The following ANO6 variants were observed in gnomAD, a reference collection of about 807,000 sequenced individuals.
The protein encoded by ANO6 is anoctamin 6.
ANO6 carries 106 observed loss-of-function variants against 117.5 expected under a neutral mutation model. That is an observed-to-expected ratio of 0.90 (90% CI 0.77 to 1.06). The LOEUF (loss-of-function observed/expected upper bound fraction) is 1.06. Ranked by LOEUF, ANO6 falls within the 50% of genes least tolerant of loss-of-function variation. ANO6 has a pLI of 0.00. For missense variants in ANO6, 955 were observed against 1,121.1 expected (o/e 0.85, Z 2.12); for synonymous variants, 367 against 385.1 (o/e 0.95, Z 0.55).
At chr12:45,399,675 G>C (rs1236795384) in intron 12 of ANO6, among the ~76,000 whole-genome samples, 1 of 152,056 alleles carries the variant, frequency 6.6e-6, no homozygotes, top group Non-Finnish European at 1.5e-5. Flanking sequence ...TGTACCTCTG[G>C]AGCACATCAG....
Position 45,216,192 on chromosome 12 carries a change from T to G in ANO6, c.-130T>G. The G allele has an allele frequency of 1.8e-6, 2 of 1,081,416 alleles. No individual in the cohort carries two copies. The highest frequency in any genetic ancestry group is 1.4e-6 in the Non-Finnish European group (1 of 734,920). The allele number at this position is 1,081,416 out of a possible 1,614,324, so 67.0% of individuals were successfully genotyped here. On this transcript the variant is annotated 5_prime_UTR_variant, in exon 1 of 20. Coordinates refer to ENST00000320560, the MANE Select transcript of ANO6 (RefSeq NM_001025356.3). ...CGGCTTTCCCCGGCGCTGGCTGGGCTCAGCGGCCCCTGAGCCCAAGCGACA... is the reference window on the plus strand; with the variant it reads ...CGGCTTTCCCCGGCGCTGGCTGGGCGCAGCGGCCCCTGAGCCCAAGCGACA...
At chr12:45,309,546 G>T (rs1166601703) in intron 2 of ANO6, among the ~76,000 whole-genome samples, 1 of 151,788 alleles carries the variant, frequency 6.6e-6, no homozygotes, top group African/African-American at 2.4e-5. Context: ...CTCAAAGTGG[G>T]TTCAAGGATC....
At chr12:45,317,136 T>TATA (rs1940070455) in intron 2 of ANO6, among the ~76,000 whole-genome samples, 2 of 108,948 alleles carry the variant, frequency 1.8e-5, no homozygotes, top group Non-Finnish European at 4.3e-5. Flanking sequence ...TATATATTTA[T>TATA]TATACTTTAA....
At chr12:45,386,612 TA>T (rs1942306136) in intron 10 of ANO6, among the ~76,000 whole-genome samples, 1 of 152,226 alleles carries the variant, frequency 6.6e-6, no homozygotes, top group South Asian at 2.1e-4. Flanking sequence ...CACTCTAGAC[TA>T]CCTTCAAAGT....
chr12:45,319,413 T>TA (rs1341571072), intron 2 of ANO6, among the ~76,000 whole-genome samples: 2 of 152,212 alleles, frequency 1.3e-5, no homozygotes, highest in African/African-American at 4.8e-5. Flanking sequence ...TATGCTGGAT[T>TA]ACGTTTATTG....
intron 2 of ANO6, among the ~76,000 whole-genome samples, chr12:45,313,822 A>G (rs1409111119): frequency 2.0e-5 from 3 of 152,174 alleles, no homozygotes; most frequent in Admixed American, 6.6e-5. Context: ...GTAATTTTCA[A>G]TGAACTAGAA....
chr12:45,413,156 C>T (rs1189047191), intron 16 of ANO6, among the ~76,000 whole-genome samples: 1 of 152,148 alleles, frequency 6.6e-6, no homozygotes, highest in African/African-American at 2.4e-5. Context: ...GGAATAAGAT[C>T]AATCACGCAG....
chr12:45,293,658 T>G (rs1939182490), intron 1 of ANO6, among the ~76,000 whole-genome samples: 1 of 150,160 alleles, frequency 6.7e-6, no homozygotes, highest in South Asian at 2.1e-4. Flanking sequence ...CCTCCCAGGT[T>G]CACACCATTC....
At position 45,431,646 on chromosome 12, in the gene ANO6, C is replaced by A; in HGVS notation, c.*2335C>A. The A allele has an allele frequency of 1.0e-6, 1 of 985,394 alleles. No homozygotes were observed. Among genetic ancestry groups the A allele is most frequent in the Non-Finnish European group, 1.2e-6 (1 of 829,938 alleles). 61.0% of individuals were successfully genotyped at this position (985,394 alleles called of 1,614,324 possible). A position where few individuals can be genotyped will look rare whatever the true frequency, so the allele number is the denominator to read the frequency against. On this transcript the variant is annotated 3_prime_UTR_variant, in exon 20 of 20. Coordinates refer to ENST00000320560, the MANE Select transcript of ANO6 (RefSeq NM_001025356.3). Reference sequence around the variant, plus strand: ...ATGCAGGGTCATTTCCCCATGCCATCCACAGTGTTTGTTAGTGAGTCCACG... The same window carrying A: ...ATGCAGGGTCATTTCCCCATGCCATACACAGTGTTTGTTAGTGAGTCCACG...
rs777801046 is a variant in ANO6 at position 45,409,359 on chromosome 12, G to A, written c.1883G>A (p.Trp628Ter). Residue 628 changes from tryptophan (W) to a stop codon, truncating the protein, a stop_gained and splice_region_variant, in exon 16 of 20, where the codon TGG becomes TAG. Coordinates refer to ENST00000320560, the MANE Select transcript of ANO6 (RefSeq NM_001025356.3). LOFTEE classifies it high-confidence loss of function. ...TTATAAATTGTTCTTTTTGGCAGCT[G>A]GATCATGAATCTAATTGGGCGATTT... is the stretch of plus-strand genomic sequence containing the variant. The part of the protein sequence containing the change: ...WNNIQEVLLP[W>*]IMNLIGRFHR... 6 of 1,613,808 alleles carry A rather than the reference G, an allele frequency of 3.7e-6. No homozygotes were observed. The South Asian group carries it at 4.4e-5, about 12-fold the overall frequency.
intron 7 of ANO6, among the ~76,000 whole-genome samples, chr12:45,354,332 T>C (rs1388626193): frequency 1.3e-5 from 2 of 152,126 alleles, no homozygotes; most frequent in African/African-American, 4.8e-5. Context: ...TAACTTCACA[T>C]GTCTAAGGAA....
rs1943028175 is a variant in ANO6 at position 45,409,385 on chromosome 12, C to T, written c.1909C>T (p.His637Tyr). The change falls in exon 16 of 20, where the codon CAC (histidine) becomes TAC (tyrosine). Residue 637 changes from histidine (H) to tyrosine (Y), a missense_variant. Physicochemically the swap from His to Tyr is moderately conservative, Grantham distance 83. Transcript: ENST00000320560. Reference protein sequence around the residue: ...PWIMNLIGRFHRVSGSEKITP... With the variant: ...PWIMNLIGRFYRVSGSEKITP... ...GATCATGAATCTAATTGGGCGATTTCACAGAGTTTCTGGATCAGAAAAGAT... is the reference window on the plus strand; with the variant it reads ...GATCATGAATCTAATTGGGCGATTTTACAGAGTTTCTGGATCAGAAAAGAT... 1 of 1,613,962 alleles carries T rather than the reference C, an allele frequency of 6.2e-7. No homozygotes were observed. The highest frequency in any genetic ancestry group is 1.3e-5 in the African/African-American group (1 of 75,038).
intron 1 of ANO6, among the ~76,000 whole-genome samples, chr12:45,230,421 A>T (rs886511108): frequency 6.7e-6 from 1 of 149,740 alleles, no homozygotes; most frequent in Non-Finnish European, 1.5e-5. Flanking sequence ...TATAATATTA[A>T]TATGTATAAA....
chr12:45,396,508 A>C (rs1942618452), intron 12 of ANO6, among the ~76,000 whole-genome samples: 1 of 152,238 alleles, frequency 6.6e-6, no homozygotes, highest in Non-Finnish European at 1.5e-5. Flanking sequence ...ATATGGAACC[A>C]AAAAGCCTGC....
chr12:45,242,038 G>A (rs1393467033), intron 1 of ANO6, among the ~76,000 whole-genome samples: 1 of 152,236 alleles, frequency 6.6e-6, no homozygotes, highest in Non-Finnish European at 1.5e-5. Context: ...TGACCCACTT[G>A]TGGAGGCGGT....
intron 15 of ANO6, among the ~76,000 whole-genome samples, chr12:45,407,482 ACCCCCCCCC>A (rs77486208): frequency 1.1e-4 from 1 of 9,428 alleles, no homozygotes; most frequent in Non-Finnish European, 2.3e-4. Flanking sequence ...TACCTGAGTC[ACCCCCCCCC>A]CCCCCCCCGG....
Position 45,331,300 on chromosome 12 carries a change from AT to A in ANO6, c.159del (p.Phe53LeufsTer21), listed in dbSNP as rs1223715576. On this transcript the variant is annotated frameshift_variant, in exon 3 of 20. Coordinates refer to ENST00000320560, the MANE Select transcript of ANO6 (RefSeq NM_001025356.3). LOFTEE classifies it high-confidence loss of function. ...HDFRTPEFEE[F>X]NGKPDSLFFN... ...TGTTTTTCTGTTTTACACAGGAAGAATTTAATGGAAAACCTGACTCCCTCTT... is the reference window on the plus strand; with the variant it reads ...TGTTTTTCTGTTTTACACAGGAAGAATTAATGGAAAACCTGACTCCCTCTT... The A allele has an allele frequency of 6.2e-7, 1 of 1,608,710 alleles. No individual in the cohort carries two copies. Among genetic ancestry groups the A allele is most frequent in the Non-Finnish European group, 8.5e-7 (1 of 1,177,140 alleles).
intron 1 of ANO6, among the ~76,000 whole-genome samples, chr12:45,285,722 C>T (rs572679132): frequency 6.1e-5 from 9 of 147,826 alleles, no homozygotes; most frequent in Admixed American, 1.4e-4. Context: ...AACAAGACTC[C>T]GTCTCAAAAA....
intron 8 of ANO6, among the ~76,000 whole-genome samples, chr12:45,366,758 T>C (rs183950197): frequency 6.6e-6 from 1 of 152,354 alleles, no homozygotes; most frequent in African/African-American, 2.4e-5. Flanking sequence ...CCTTCTTTAC[T>C]GCATTTCAGA....
Sources: allele counts gnomAD v4.1 joint callset (sites outside exome capture counted in the v4.1 genomes callset), GRCh38; gene constraint gnomAD v4.1.1; transcripts MANE v1.5; gene names NCBI Gene and HGNC (gene_info 2026-07-23, HGNC 2026-07-21).